The following MAG variants were observed in gnomAD, a reference collection of about 807,000 sequenced individuals.
The protein encoded by MAG is myelin-associated glycoprotein.
Under a neutral mutation model 60.7 loss-of-function variants are expected in MAG, and 30 were observed. That is an observed-to-expected ratio of 0.49 (90% CI 0.37 to 0.67). The LOEUF (loss-of-function observed/expected upper bound fraction) is 0.67. Among genes scored for constraint, MAG ranks in the 30% least tolerant of loss-of-function variants. MAG has a pLI of 0.00. For synonymous variants in MAG, 384 were observed against 376.8 expected (o/e 1.02, Z -0.22); for missense variants, 795 against 851.7 (o/e 0.93, Z 0.83).
intron 6 of MAG, 28 bp downstream of exon 6, chr19:35,300,432 C>A: frequency 6.5e-7 from 1 of 1,529,206 alleles, no homozygotes; most frequent in Non-Finnish European, 8.8e-7. Flanking sequence ...TGCGTCCACA[C>A]GCCCACCTGC....
rs746076518 is a variant in MAG at position 35,295,349 on chromosome 19, T to A, written c.-23-37T>A. 6.3e-7 allele frequency: 1 copy of A among 1,592,290 alleles called. No individual in the cohort carries two copies. Among genetic ancestry groups the A allele is most frequent in the South Asian group, 1.1e-5 (1 of 90,194 alleles). ...GCCCAGATGGAACACCCCCTTTCACTTCCCCCAGCCTTTAACCCTCTCCTC... is the reference window on the plus strand; with the variant it reads ...GCCCAGATGGAACACCCCCTTTCACATCCCCCAGCCTTTAACCCTCTCCTC... On this transcript the variant is annotated intron_variant, in intron 2 of 10. Transcript: ENST00000392213. The surrounding 1 kb of genome is among the most constrained non-coding windows in gnomAD (Gnocchi z 5.8).
rs2066542584 is a variant in MAG at position 35,313,328 on chromosome 19, C to T, written c.1755C>T (p.Gly585=). 3 of 1,614,016 alleles carry T rather than the reference C, an allele frequency of 1.9e-6. No individual in the cohort carries two copies. Among genetic ancestry groups the T allele is most frequent in the African/African-American group, 2.7e-5 (2 of 74,942 alleles). The change falls in exon 11 of 11, where the codon GGC becomes GGT. Residue 585 remains glycine (G), a synonymous_variant. Coordinates refer to ENST00000392213, the MANE Select transcript of MAG (RefSeq NM_002361.4). Reference sequence around the variant, plus strand: ...TGGGATCTGAGAGGAGGCTGCTGGGCCTTCGGGGTGAGCCCCCAGAGCTGG... The same window carrying T: ...TGGGATCTGAGAGGAGGCTGCTGGGTCTTCGGGGTGAGCCCCCAGAGCTGG... The part of the protein sequence containing the change: ...RRLGSERRLL[G]LRGEPPELDL...
rs200135379 is a variant in MAG at position 35,302,617 on chromosome 19, G to A, written c.1140G>A (p.Pro380=). 1.8e-4 allele frequency: 284 copies of A among 1,614,168 alleles called. 2 individuals are homozygous for A. The East Asian group carries it at 5.9e-3, about 34-fold the overall frequency. The change falls in exon 7 of 11, where the codon CCG becomes CCA. Residue 380 remains proline (P), a synonymous_variant. Coordinates refer to ENST00000392213, the MANE Select transcript of MAG (RefSeq NM_002361.4). ...IYESELQLEL[P]AVSPEDDGEY... is the part of the protein sequence containing the mutation. ...AGAGCGAGCTGCAGCTGGAGCTGCC[G>A]GCCGTGTCACCCGAGGATGATGGAG...
rs367865928 is a variant in MAG, at chr19:35,295,802, A to G, written c.236A>G (p.Gln79Arg). 1.4e-5 allele frequency: 22 copies of G among 1,613,832 alleles called. No individual in the cohort carries two copies. Among genetic ancestry groups the G allele is most frequent in the Non-Finnish European group, 1.9e-5 (22 of 1,180,014 alleles). ...CCGGTGGTCTTCAAGTCGCGCACCC[A>G]AGTAGTCCACGAGAGCTTCCAGGGC... The part of the protein sequence containing the change: ...YPPVVFKSRT[Q>R]VVHESFQGRS... Residue 79 changes from glutamine (Q) to arginine (R), a missense_variant, in exon 4 of 11, where the codon CAA (glutamine) becomes CGA (arginine). Physicochemically the swap from Gln to Arg is conservative, Grantham distance 43. Transcript: ENST00000392213. The surrounding 1 kb of genome is among the most constrained non-coding windows in gnomAD (Gnocchi z 5.8).
Position 35,307,056 on chromosome 19 carries a change from T to A in MAG, c.1232-2818T>A, listed in dbSNP as rs371395540. ...GCAGGGTGTCGGCGTTCCGCCGACA[T>A]CCAGGTCGAACACTTTGTCACCAGA... is the stretch of plus-strand genomic sequence containing the variant. On this transcript the variant is annotated intron_variant, in intron 7 of 10. Coordinates refer to ENST00000392213, the MANE Select transcript of MAG (RefSeq NM_002361.4). Among the ~76,000 whole-genome samples, 141 of 152,350 alleles carry A rather than the reference T, an allele frequency of 9.3e-4. 1 individual carries two copies. The highest frequency in any genetic ancestry group is 3.4e-3 in the Middle Eastern group (1 of 294).
intron 7 of MAG, among the ~76,000 whole-genome samples, chr19:35,306,941 T>C (rs2066489982): frequency 6.6e-6 from 1 of 152,230 alleles, no homozygotes; most frequent in African/African-American, 2.4e-5. Flanking sequence ...CCTCATTCTT[T>C]GTACCTTTGT....
intron 6 of MAG, 68 bp downstream of exon 6, chr19:35,300,472 T>C: frequency 6.7e-7 from 1 of 1,492,476 alleles, no homozygotes; most frequent in East Asian, 2.3e-5. Context: ...AGGGGCCTCA[T>C]CCAGGGCGAG....
intron 6 of MAG, among the ~76,000 whole-genome samples, chr19:35,300,742 T>G (rs1323595642): frequency 6.6e-6 from 1 of 152,178 alleles, no homozygotes; most frequent in African/African-American, 2.4e-5. Flanking sequence ...TTATAAAATT[T>G]TTTTGGAGAC....
At chr19:35,294,010 G>A (rs567531482) in intron 1 of MAG, among the ~76,000 whole-genome samples, 37 of 152,072 alleles carry the variant, frequency 2.4e-4, no homozygotes, top group African/African-American at 5.8e-4. Flanking sequence ...ACCCCGATGC[G>A]GTCGTTCCCC....
Position 35,293,097 on chromosome 19 carries a change from C to G in MAG, c.-80+893C>G, listed in dbSNP as rs2066369206. Among the ~76,000 whole-genome samples, 1 of 152,142 alleles carries G rather than the reference C, an allele frequency of 6.6e-6. No individual in the cohort carries two copies. Among genetic ancestry groups the G allele is most frequent in the Admixed American group, 6.5e-5 (1 of 15,274 alleles). Reference sequence around the variant, plus strand: ...CATGGTCTACCTGCTTGTTTCATGTCTGCCCGGGCACGTGCTCATCCTCAT... The same window carrying G: ...CATGGTCTACCTGCTTGTTTCATGTGTGCCCGGGCACGTGCTCATCCTCAT... On this transcript the variant is annotated intron_variant, in intron 1 of 10. Coordinates refer to ENST00000392213, the MANE Select transcript of MAG (RefSeq NM_002361.4). This position sits in a 1 kb window ranked among gnomAD's most constrained non-coding sequence, Gnocchi z 4.0.
At position 35,302,681 on chromosome 19, in the gene MAG, G is replaced by A; in HGVS notation, c.1204G>A (p.Ala402Thr). The part of the protein sequence containing the change: ...CVAENQYGQR[A>T]TAFNLSVEFA... ...GGCTGAGAACCAGTATGGCCAGAGGGCCACCGCCTTCAACCTGTCTGTGGA... is the reference window on the plus strand; with the variant it reads ...GGCTGAGAACCAGTATGGCCAGAGGACCACCGCCTTCAACCTGTCTGTGGA... Residue 402 changes from alanine to threonine, a missense_variant, in exon 7 of 11, where the codon GCC becomes ACC. Ala to Thr is a moderately conservative substitution (Grantham distance 58). Coordinates refer to ENST00000392213, the MANE Select transcript of MAG (RefSeq NM_002361.4). The A allele has an allele frequency of 6.2e-7, 1 of 1,613,968 alleles. No individual in the cohort carries two copies. The highest frequency in any genetic ancestry group is 8.5e-7 in the Non-Finnish European group (1 of 1,180,034).
chr19:35,306,935 A>G (rs1327991716), intron 7 of MAG, among the ~76,000 whole-genome samples: 3 of 152,194 alleles, frequency 2.0e-5, no homozygotes, highest in African/African-American at 4.8e-5. Flanking sequence ...CAAACTCCTC[A>G]TTCTTTGTAC....
intron 7 of MAG, among the ~76,000 whole-genome samples, 158 bp downstream of exon 7, chr19:35,302,866 A>T (rs1317964237): frequency 1.3e-5 from 2 of 151,842 alleles, no homozygotes; most frequent in Non-Finnish European, 2.9e-5. Context: ...CAGCAGGAAA[A>T]TAAAATCCCA....
chr19:35,304,653 G>T (rs556170912), intron 7 of MAG, among the ~76,000 whole-genome samples: 1 of 152,046 alleles, frequency 6.6e-6, no homozygotes, highest in South Asian at 2.1e-4. Context: ...CGATTCTCCT[G>T]CCTCAGCCTC....
In MAG at chr19:35,310,189, C is replaced by T. The variant is rs2066516939; in HGVS notation, c.1519+28C>T. ...GAGTGGCGTGGACTTGGGGTGGGAG[C>T]CACAGGAGGGAGCGGGCACGTCTTA... On this transcript the variant is annotated intron_variant, in intron 8 of 10. Transcript: ENST00000392213. 3 of 1,586,236 alleles carry T rather than the reference C, an allele frequency of 1.9e-6. No homozygotes were observed. The African/African-American group carries it at 4.0e-5, about 21-fold the overall frequency.
In MAG at chr19:35,313,673, T is replaced by G; in HGVS notation, c.*219T>G. On this transcript the variant is annotated 3_prime_UTR_variant, in exon 11 of 11. Coordinates refer to ENST00000392213, the MANE Select transcript of MAG (RefSeq NM_002361.4). ...TCATTACGGCTCCTCTCTAACCTCC[T>G]TTACCCTCATCTGTCTGGAGGGGAG... The G allele has an allele frequency of 3.8e-6, 2 of 526,046 alleles. No individual in the cohort carries two copies. Among genetic ancestry groups the G allele is most frequent in the Admixed American group, 3.3e-5 (1 of 30,396 alleles). The allele number at this position is 526,046 out of a possible 1,614,324, so 32.6% of individuals were successfully genotyped here.
chr19:35,292,605 G>T (rs1353807639), intron 1 of MAG, among the ~76,000 whole-genome samples: 2 of 151,920 alleles, frequency 1.3e-5, no homozygotes, highest in Admixed American at 6.6e-5. Flanking sequence ...GGGGCAGTGG[G>T]CTGTTAGTGA....
At chr19:35,303,158 A>G (rs1480821580) in intron 7 of MAG, among the ~76,000 whole-genome samples, 1 of 152,190 alleles carries the variant, frequency 6.6e-6, no homozygotes. Flanking sequence ...CCCTGACTTC[A>G]GATGATCTGC....
chr19:35,300,257 C>A lies in MAG; in HGVS notation c.823C>A (p.Arg275=), dbSNP rs148340211. Reference sequence around the variant, plus strand: ...CCCCCCGCCGCTGCTGACCTGGATGCGGGACGGGACAGTCCTCCGGGAGGC... The same window carrying A: ...CCCCCCGCCGCTGCTGACCTGGATGAGGGACGGGACAGTCCTCCGGGAGGC... ...SNPPPLLTWM[R]DGTVLREAVA... Residue 275 remains arginine, a synonymous_variant, in exon 6 of 11, where the codon CGG becomes AGG. Transcript: ENST00000392213. 6 of 1,594,510 alleles carry A rather than the reference C, an allele frequency of 3.8e-6. No homozygotes were observed. Among genetic ancestry groups the A allele is most frequent in the Non-Finnish European group, 5.1e-6 (6 of 1,174,822 alleles).
Sources: allele counts gnomAD v4.1 joint callset (sites outside exome capture counted in the v4.1 genomes callset), GRCh38; gene constraint gnomAD v4.1.1; non-coding constraint Gnocchi (gnomAD v3.1); transcripts MANE v1.5; gene names NCBI Gene and HGNC (gene_info 2026-07-23, HGNC 2026-07-21).